NHLH2: variants seen among roughly 807,000 people sequenced by gnomAD.
The protein encoded by NHLH2 is nescient helix-loop-helix 2.
Under a neutral mutation model 7.3 loss-of-function variants are expected in NHLH2, and 7 were observed. The observed-to-expected ratio is 0.96, with a 90% CI of 0.55 to 1.81. The LOEUF is 1.81. Among genes scored for constraint, NHLH2 ranks in the 40% most tolerant of loss-of-function variants. The pLI, the probability that NHLH2 is intolerant of heterozygous loss-of-function variation, is 0.00. For missense variants in NHLH2, 155 were observed against 194.0 expected, an observed-to-expected ratio of 0.80 and a Z score of 1.19; for synonymous variants, 93 against 91.6, an observed-to-expected ratio of 1.01 and a Z score of -0.09.
At chr1:115,835,526 T>C (rs914071773), downstream of NHLH2, among the ~76,000 whole-genome samples, 17 of 152,140 alleles carry the variant, frequency 1.1e-4, no homozygotes, top group African/African-American at 4.1e-4. Context: ...CACCTTCATA[T>C]AAGGGAGAGG....
Position 115,837,890 on chromosome 1 carries a change from G to T in NHLH2, c.*75C>A. The T allele has an allele frequency of 6.7e-7, 1 of 1,483,648 alleles. No individual in the cohort carries two copies. The highest frequency in any genetic ancestry group is 1.3e-5 in the South Asian group (1 of 78,068). The allele number at this position is 1,483,648 out of a possible 1,614,324, so 91.9% of individuals were successfully genotyped here. ...TGGGCCACCGCAGCCTCCGCCACCCGAGCGACGGCGCCCGTCCGGATCCGT... is the reference window on the plus strand; with the variant it reads ...TGGGCCACCGCAGCCTCCGCCACCCTAGCGACGGCGCCCGTCCGGATCCGT... On this transcript the variant is annotated 3_prime_UTR_variant, in exon 3 of 3. Coordinates refer to ENST00000320238, the MANE Select transcript of NHLH2 (RefSeq NM_005599.3).
At position 115,836,995 on chromosome 1, in the gene NHLH2, A is replaced by C. The variant is rs1557829090; in HGVS notation, c.*970T>G. 2 of 152,462 alleles carry C rather than the reference A, an allele frequency of 1.3e-5. No individual in the cohort carries two copies. Among genetic ancestry groups the C allele is most frequent in the African/African-American group, 4.8e-5 (2 of 41,452 alleles). 9.4% of individuals were successfully genotyped at this position (152,462 alleles called of 1,614,324 possible). A position where few individuals can be genotyped will look rare whatever the true frequency, so the allele number is the denominator to read the frequency against. ...AAAGACCACAGTATAATCTCAACAA[A>C]CACGTAAAAAGTTAGACATAATTAT... On this transcript the variant is annotated 3_prime_UTR_variant, in exon 3 of 3. Coordinates refer to ENST00000320238, the MANE Select transcript of NHLH2 (RefSeq NM_005599.3).
chr1:115,838,759 C>T, intron 2 of NHLH2: 1 of 218,860 alleles, frequency 4.6e-6, no homozygotes, highest in Non-Finnish European at 9.6e-6. Context: ...CTCCTCCCTC[C>T]CTTCGTCCCC....
downstream of NHLH2, among the ~76,000 whole-genome samples, chr1:115,834,738 T>C (rs1650826050): frequency 6.6e-6 from 1 of 152,156 alleles, no homozygotes; most frequent in South Asian, 2.1e-4. Context: ...TAAAATCAAA[T>C]ATTGGGGGTT....
chr1:115,837,816 A>C lies in NHLH2; in HGVS notation c.*149T>G. The C allele has an allele frequency of 1.2e-6, 1 of 828,046 alleles. No homozygotes were observed. The highest frequency in any genetic ancestry group is 1.8e-6 in the Non-Finnish European group (1 of 559,812). The allele number at this position is 828,046 out of a possible 1,614,324, so 51.3% of individuals were successfully genotyped here. ...CTCGTCGCCCTGCTGACCAGAGAGA[A>C]CAGGTAGCGAGCTTCTTCCCCGGCC... On this transcript the variant is annotated 3_prime_UTR_variant, in exon 3 of 3. Coordinates refer to ENST00000320238, the MANE Select transcript of NHLH2 (RefSeq NM_005599.3).
At chr1:115,832,248 G>A (rs932802817), downstream of NHLH2, among the ~76,000 whole-genome samples, 1 of 152,200 alleles carries the variant, frequency 6.6e-6, no homozygotes, top group African/African-American at 2.4e-5. Flanking sequence ...AGGTGTGCAT[G>A]TGTGGTGTAT....
downstream of NHLH2, among the ~76,000 whole-genome samples, chr1:115,835,855 T>C (rs1406689647): frequency 6.6e-6 from 1 of 152,036 alleles, no homozygotes; most frequent in Non-Finnish European, 1.5e-5. Flanking sequence ...TCAATTTTTT[T>C]TCTTGTTTGC....
At chr1:115,839,012 C>T (rs1449051590) in intron 2 of NHLH2, 1 of 167,142 alleles carries the variant, frequency 6.0e-6, no homozygotes, top group Admixed American at 6.5e-5. Context: ...GGGAAGGCTT[C>T]TTGGACCCCT....
chr1:115,834,457 C>T (rs561179811), downstream of NHLH2, among the ~76,000 whole-genome samples: 3 of 152,180 alleles, frequency 2.0e-5, no homozygotes, highest in East Asian at 3.9e-4. Context: ...GGGCCAGCTG[C>T]GGAAAGGTAA....
downstream of NHLH2, among the ~76,000 whole-genome samples, chr1:115,831,978 G>A (rs981574808): frequency 6.6e-6 from 1 of 151,430 alleles, no homozygotes; most frequent in Non-Finnish European, 1.5e-5. Flanking sequence ...GCAATTGCTC[G>A]TACACACACA....
In NHLH2 at chr1:115,838,109, G is replaced by T. The variant is rs774250199; in HGVS notation, c.264C>A (p.Ile88=). 3.1e-6 allele frequency: 5 copies of T among 1,606,322 alleles called. No homozygotes were observed. Among genetic ancestry groups the T allele is most frequent in the Non-Finnish European group, 4.2e-6 (5 of 1,177,228 alleles). ...AGGCCAAGTTGAAGGCTTCCACGCG[G>T]ATGCGCTCGCGGGTGGCGTGGGCCG... ...YRSAHATRER[I]RVEAFNLAFA... Residue 88 remains isoleucine (I), a synonymous_variant, in exon 3 of 3, where the codon ATC becomes ATA. Coordinates refer to ENST00000320238, the MANE Select transcript of NHLH2 (RefSeq NM_005599.3).
At chr1:115,833,860 C>A (rs1375753127), downstream of NHLH2, among the ~76,000 whole-genome samples, 1 of 152,182 alleles carries the variant, frequency 6.6e-6, no homozygotes, top group Non-Finnish European at 1.5e-5. Flanking sequence ...ATTCTCTCCA[C>A]CCCAAACATC....
downstream of NHLH2, chr1:115,836,241 T>C (rs1244090521): frequency 5.3e-5 from 8 of 152,214 alleles, no homozygotes; most frequent in African/African-American, 1.7e-4. Context: ...AATATTTCAC[T>C]ACATAAATAT....
chr1:115,831,879 G>GCCACTGCA (rs1336239087), downstream of NHLH2, among the ~76,000 whole-genome samples: 1 of 149,484 alleles, frequency 6.7e-6, no homozygotes, highest in Non-Finnish European at 1.5e-5. Flanking sequence ...CCAAGATTGC[G>GCCACTGCA]CCACTGCACC....
At chr1:115,840,098 C>T (rs1651026635) in intron 2 of NHLH2, 118 bp downstream of exon 2, 1 of 166,886 alleles carries the variant, frequency 6.0e-6, no homozygotes, top group Non-Finnish European at 1.5e-5. Flanking sequence ...TAAAAATATT[C>T]ATAAATAGTA....
downstream of NHLH2, among the ~76,000 whole-genome samples, chr1:115,834,937 T>C (rs1348667817): frequency 6.6e-6 from 1 of 152,204 alleles, no homozygotes; most frequent in African/African-American, 2.4e-5. Context: ...AATCACTGTG[T>C]CTGCGCTGTG....
downstream of NHLH2, among the ~76,000 whole-genome samples, chr1:115,834,251 T>C (rs906449365): frequency 6.6e-6 from 1 of 152,032 alleles, no homozygotes; most frequent in Admixed American, 6.5e-5. Flanking sequence ...GGAAGTCCAT[T>C]TGGGTGGAGA....
At chr1:115,834,665 C>T (rs988105211), downstream of NHLH2, among the ~76,000 whole-genome samples, 1 of 152,172 alleles carries the variant, frequency 6.6e-6, no homozygotes, top group Non-Finnish European at 1.5e-5. Context: ...AGCACCAGCA[C>T]GTCCAGCCCC....
At chr1:115,838,565 G>C in intron 2 of NHLH2, 185 bp from the exon 3 acceptor site, 2 of 554,224 alleles carry the variant, frequency 3.6e-6, no homozygotes, top group Non-Finnish European at 6.1e-6. Flanking sequence ...CGAGCCCTGC[G>C]CCTCGCCCTG....
Sources: gnomAD v4.1 joint callset for allele counts (sites outside exome capture counted in the v4.1 genomes callset) on GRCh38, gnomAD v4.1.1 for gene constraint, MANE v1.5 for transcripts, NCBI Gene and HGNC (gene_info 2026-07-23, HGNC 2026-07-21) for gene names.